NXPE2: variants seen among roughly 807,000 people sequenced by gnomAD.
The protein encoded by NXPE2 is neurexophilin and PC-esterase domain family member 2.
In NXPE2, 34 loss-of-function variants were observed where a neutral mutation model predicts 34.4. The ratio of observed to expected loss-of-function variants is 0.99; its 90% CI spans 0.75 to 1.31. The LOEUF (loss-of-function observed/expected upper bound fraction) is 1.31. Among genes scored for constraint, NXPE2 ranks in the 40% most tolerant of loss-of-function variants. NXPE2 has a pLI of 0.00. For missense variants in NXPE2, 649 were observed against 672.5 expected, an observed-to-expected ratio of 0.97 and a Z score of 0.39; for synonymous variants, 235 against 231.3, an observed-to-expected ratio of 1.02 and a Z score of -0.15.
chr11:114,691,346 A>G (rs1951145316), intron 2 of NXPE2, among the ~76,000 whole-genome samples: 2 of 151,846 alleles, frequency 1.3e-5, no homozygotes, highest in African/African-American at 4.8e-5. Context: ...CAGGGTGCCT[A>G]AGCTCTTTAT....
At chr11:114,751,205 T>C in the NXPE2 span, among the ~76,000 whole-genome samples, 1 of 152,188 alleles carries the variant, frequency 6.6e-6, no homozygotes. Context: ...GAATTAGCTA[T>C]GTGGTCCCAG....
chr11:114,670,854 C>T, the NXPE2 span, among the ~76,000 whole-genome samples: 2 of 151,438 alleles, frequency 1.3e-5, no homozygotes, highest in Middle Eastern at 3.4e-3. Context: ...GACTCACGAA[C>T]AGGAGAAAAC....
the NXPE2 span, among the ~76,000 whole-genome samples, chr11:114,776,872 G>C: frequency 1.0e-3 from 156 of 152,254 alleles, no homozygotes; most frequent in African/African-American, 3.6e-3. Context: ...GTACCCTCAT[G>C]ACAAAAGAAC....
chr11:114,784,293 A>ATAACATAAAGACTTTGGACC, the NXPE2 span, among the ~76,000 whole-genome samples: 10 of 152,330 alleles, frequency 6.6e-5, no homozygotes, highest in Middle Eastern at 6.8e-3. Context: ...CAGCTCCCAA[A>ATAACATAAAGACTTTGGACC]TAACATAAAG....
At chr11:114,616,042 C>T in the NXPE2 span, among the ~76,000 whole-genome samples, 41 of 151,186 alleles carry the variant, frequency 2.7e-4, no homozygotes, top group Middle Eastern at 3.5e-3. Context: ...CACTCTTACC[C>T]GGTGGATAAT....
downstream of NXPE2, among the ~76,000 whole-genome samples, chr11:114,708,560 G>A (rs1195233346): frequency 6.6e-6 from 1 of 151,756 alleles, no homozygotes; most frequent in Admixed American, 6.6e-5. Context: ...TCGTCAGGAG[G>A]TGGAGGTTGC....
the NXPE2 span, among the ~76,000 whole-genome samples, chr11:114,630,895 T>G: frequency 6.6e-6 from 1 of 151,698 alleles, no homozygotes; most frequent in Non-Finnish European, 1.5e-5. Context: ...AAAGAAGACA[T>G]TTATGCAGCC....
At chr11:114,761,561 C>CTTTTTTT in the NXPE2 span, among the ~76,000 whole-genome samples, 10 of 92,774 alleles carry the variant, frequency 1.1e-4, no homozygotes, top group African/African-American at 3.9e-4. Context: ...AGCCAAGCCT[C>CTTTTTTT]TTTTTTTTTT....
At chr11:114,614,225 C>A in the NXPE2 span, among the ~76,000 whole-genome samples, 2 of 151,666 alleles carry the variant, frequency 1.3e-5, no homozygotes, top group Non-Finnish European at 2.9e-5. Flanking sequence ...ATAAGTGTTG[C>A]CTCGTGGGTA....
At chr11:114,520,059 C>CT in the NXPE2 span, among the ~76,000 whole-genome samples, 1 of 152,058 alleles carries the variant, frequency 6.6e-6, no homozygotes, top group Non-Finnish European at 1.5e-5. Flanking sequence ...GCTTAGGCCT[C>CT]CCAAAGTGCT....
At chr11:114,571,947 A>G in the NXPE2 span, among the ~76,000 whole-genome samples, 2 of 152,204 alleles carry the variant, frequency 1.3e-5, no homozygotes, top group Admixed American at 1.3e-4. Context: ...CAACGAACAC[A>G]AAACCAGCAC....
the NXPE2 span, among the ~76,000 whole-genome samples, chr11:114,558,231 T>C: frequency 6.6e-6 from 1 of 152,196 alleles, no homozygotes; most frequent in African/African-American, 2.4e-5. Context: ...TATATCCATA[T>C]ATATGCACAT....
At chr11:114,609,803 T>C in the NXPE2 span, among the ~76,000 whole-genome samples, 21,471 of 151,528 alleles carry the variant, frequency 0.14, 1,938 homozygotes, top group East Asian at 0.37. Flanking sequence ...TGATGGATAA[T>C]AAGCATTGCC....
chr11:114,594,573 T>C, the NXPE2 span: 34 of 810,178 alleles, frequency 4.2e-5, no homozygotes, highest in East Asian at 8.1e-4. Context: ...TCCTATAATC[T>C]ACAAGTCTTG....
chr11:114,774,766 G>A, the NXPE2 span, among the ~76,000 whole-genome samples: 8 of 152,034 alleles, frequency 5.3e-5, no homozygotes, highest in Non-Finnish European at 8.8e-5. Context: ...TCAAGCCCGA[G>A]CTCCTGCAAG....
At chr11:114,785,579 C>T in the NXPE2 span, among the ~76,000 whole-genome samples, 297 of 152,250 alleles carry the variant, frequency 2.0e-3, 1 homozygote, top group African/African-American at 6.5e-3. Flanking sequence ...TGTGTTCCAA[C>T]GTGCTGCTCT....
the NXPE2 span, among the ~76,000 whole-genome samples, chr11:114,666,647 G>T: frequency 2.0e-5 from 3 of 152,024 alleles, no homozygotes; most frequent in South Asian, 2.1e-4. Flanking sequence ...TAGTACTTTG[G>T]TTTTTTTATC....
the NXPE2 span, among the ~76,000 whole-genome samples, chr11:114,754,286 A>G: frequency 6.6e-6 from 1 of 152,088 alleles, no homozygotes; most frequent in Non-Finnish European, 1.5e-5. Context: ...ACTGCCCCCA[A>G]GGTCCCCATC....
the NXPE2 span, among the ~76,000 whole-genome samples, chr11:114,579,702 G>C: frequency 1.1e-3 from 172 of 152,294 alleles, no homozygotes; most frequent in Non-Finnish European, 2.1e-3. Flanking sequence ...GAAAACTGAG[G>C]GATGGAATGG....
Sources: allele counts gnomAD v4.1 joint callset (sites outside exome capture counted in the v4.1 genomes callset), GRCh38; gene constraint gnomAD v4.1.1; transcripts MANE v1.5; gene names NCBI Gene and HGNC (gene_info 2026-07-23, HGNC 2026-07-21).